ARID4B: variants seen among roughly 807,000 people sequenced by gnomAD.
ARID4B encodes AT-rich interaction domain 4B.
Under a neutral mutation model 147.5 loss-of-function variants are expected in ARID4B, and 26 were observed. The ratio of observed to expected loss-of-function variants is 0.18; its 90% CI spans 0.13 to 0.24. The LOEUF (loss-of-function observed/expected upper bound fraction) is 0.24. ARID4B is among the 10% of genes least tolerant of loss of function. The probability of loss-of-function intolerance (pLI) is 1.00; values close to 1 mark genes in which losing one functional copy is unlikely to be tolerated. For missense variants in ARID4B, 1,179 were observed against 1,511.5 expected, an observed-to-expected ratio of 0.78 and a Z score of 3.65; for synonymous variants, 512 against 507.9, an observed-to-expected ratio of 1.01 and a Z score of -0.11.
chr1:235,313,080 A>G (rs1171986225), intron 2 of ARID4B, among the ~76,000 whole-genome samples: 1 of 152,182 alleles, frequency 6.6e-6, no homozygotes, highest in Non-Finnish European at 1.5e-5. Context: ...GTCTCATTCT[A>G]TCACCTAGGC....
chr1:235,231,078 A>G, intron 10 of ARID4B, 35 bp downstream of exon 10: 1 of 1,410,346 alleles, frequency 7.1e-7, no homozygotes, highest in East Asian at 2.3e-5. Context: ...AGCAGTTTTT[A>G]CAGTACTTGT....
intron 2 of ARID4B, among the ~76,000 whole-genome samples, chr1:235,321,639 C>G (rs1396283069): frequency 1.3e-5 from 2 of 151,814 alleles, no homozygotes; most frequent in Non-Finnish European, 2.9e-5. Flanking sequence ...CTACAGGCGC[C>G]CGCTACCAAG....
chr1:235,281,362 C>A (rs998302293), intron 2 of ARID4B, among the ~76,000 whole-genome samples: 2 of 152,092 alleles, frequency 1.3e-5, no homozygotes, highest in African/African-American at 4.8e-5. Flanking sequence ...ACTAGCCTGG[C>A]CAACGTGGTG....
At chr1:235,296,824 A>AGGAG in intron 2 of ARID4B, among the ~76,000 whole-genome samples, 1 of 45,468 alleles carries the variant, frequency 2.2e-5, no homozygotes, top group Non-Finnish European at 5.3e-5. Flanking sequence ...GAAGGAAGGA[A>AGGAG]GGAAGGAAGG....
intron 19 of ARID4B, among the ~76,000 whole-genome samples, chr1:235,187,430 A>G (rs1664775126): frequency 6.6e-6 from 1 of 152,204 alleles, no homozygotes; most frequent in Admixed American, 6.5e-5. Flanking sequence ...TTAACAAGAG[A>G]TGATTAAGAA....
chr1:235,186,233 C>T (rs1664672757), intron 19 of ARID4B, among the ~76,000 whole-genome samples: 1 of 152,116 alleles, frequency 6.6e-6, no homozygotes, highest in African/African-American at 2.4e-5. Flanking sequence ...TCCCAAAGTG[C>T]AGGGATTATA....
At chr1:235,183,014 T>C (rs964608325) in intron 19 of ARID4B, among the ~76,000 whole-genome samples, 1 of 152,164 alleles carries the variant, frequency 6.6e-6, no homozygotes, top group Admixed American at 6.5e-5. Context: ...GTTGTAACAC[T>C]GTATACTTTT....
chr1:235,312,739 C>T (rs1674151812), intron 2 of ARID4B, among the ~76,000 whole-genome samples: 2 of 152,046 alleles, frequency 1.3e-5, no homozygotes, highest in Non-Finnish European at 2.9e-5. Flanking sequence ...TTTGAGAAGC[C>T]AAGGCAGGCG....
At chr1:235,270,634 G>C (rs1368740201) in intron 2 of ARID4B, among the ~76,000 whole-genome samples, 1 of 152,226 alleles carries the variant, frequency 6.6e-6, no homozygotes, top group Non-Finnish European at 1.5e-5. Context: ...AGGCAAGAGA[G>C]AAATTGGGAG....
intron 8 of ARID4B, among the ~76,000 whole-genome samples, chr1:235,237,155 G>A (rs969223416): frequency 6.6e-5 from 10 of 151,778 alleles, no homozygotes; most frequent in African/African-American, 2.4e-4. Flanking sequence ...CTGCAGGTGT[G>A]AGCCACTGCA....
intron 23 of ARID4B, among the ~76,000 whole-genome samples, chr1:235,169,155 C>T (rs1027367646): frequency 1.3e-5 from 2 of 152,110 alleles, no homozygotes; most frequent in Admixed American, 6.5e-5. Flanking sequence ...TTGCATTCTC[C>T]GCCACTAGGT....
intron 2 of ARID4B, among the ~76,000 whole-genome samples, chr1:235,316,887 G>A (rs1342745964): frequency 1.3e-5 from 2 of 152,090 alleles, no homozygotes; most frequent in African/African-American, 4.8e-5. Flanking sequence ...AATCAGAAAT[G>A]CTACAAAAAC....
chr1:235,250,110 AAAT>A (rs944963122), intron 6 of ARID4B, among the ~76,000 whole-genome samples: 6 of 151,616 alleles, frequency 4.0e-5, no homozygotes, highest in African/African-American at 7.3e-5. Flanking sequence ...CCGTCTCAAA[AAAT>A]AATAATAATA....
chr1:235,248,795 ATGTT>A (rs1209654854), intron 6 of ARID4B, among the ~76,000 whole-genome samples: 1 of 152,168 alleles, frequency 6.6e-6, no homozygotes, highest in South Asian at 2.1e-4. Context: ...AAGTAGGGGC[ATGTT>A]TGTTTCAAGG....
At chr1:235,258,660 T>C (rs1670125781) in intron 3 of ARID4B, among the ~76,000 whole-genome samples, 1 of 152,176 alleles carries the variant, frequency 6.6e-6, no homozygotes, top group South Asian at 2.1e-4. Context: ...CAGGTATATG[T>C]GATAATTATT....
intron 8 of ARID4B, among the ~76,000 whole-genome samples, chr1:235,236,833 A>AATACATATATATATATATAT (rs1553299957): frequency 3.0e-4 from 10 of 33,518 alleles, no homozygotes; most frequent in African/African-American, 1.5e-3. Context: ...TTTTATAAAA[A>AATACATATATATATATATAT]ATATATATAT....
At position 235,196,823 on chromosome 1, in the gene ARID4B, G is replaced by A. The variant is rs1665527863; in HGVS notation, c.1842-708C>T. 2.2e-5 allele frequency among the ~76,000 whole-genome samples: 3 copies of A among 137,430 alleles called. No individual in the cohort carries two copies. In the Admixed American group the frequency reaches 2.5e-4, roughly 11 times the overall value. The allele number at this position is 137,430 out of a possible 152,430, so 90.2% of individuals were successfully genotyped here. On this transcript the variant is annotated intron_variant, in intron 17 of 23. Transcript: ENST00000264183. ...GCTGAGATCGCGCCACTGCACTCCA[G>A]CCTGGGCGACAGAGCGAGACTCTGT...
At chr1:235,176,019 CT>C (rs1358341518) in intron 21 of ARID4B, among the ~76,000 whole-genome samples, 1 of 152,130 alleles carries the variant, frequency 6.6e-6, no homozygotes, top group African/African-American at 2.4e-5. Context: ...GCTAATTAAA[CT>C]TCAGCACTAA....
At chr1:235,259,055 T>C (rs946688180) in intron 3 of ARID4B, among the ~76,000 whole-genome samples, 5 of 152,252 alleles carry the variant, frequency 3.3e-5, no homozygotes, top group African/African-American at 1.2e-4. Flanking sequence ...CTTGTGTATG[T>C]GTTTTAATGG....
Sources: gnomAD v4.1 joint callset for allele counts (sites outside exome capture counted in the v4.1 genomes callset) on GRCh38, gnomAD v4.1.1 for gene constraint, MANE v1.5 for transcripts, NCBI Gene and HGNC (gene_info 2026-07-23, HGNC 2026-07-21) for gene names.